SEMA3A: variants seen among roughly 807,000 people sequenced by gnomAD.
SEMA3A encodes the protein semaphorin 3A.
In SEMA3A, 29 loss-of-function variants were observed where a neutral mutation model predicts 97.9. That is an observed-to-expected ratio of 0.30 (90% CI 0.22 to 0.40). The LOEUF (loss-of-function observed/expected upper bound fraction) is 0.40. SEMA3A is among the 10% of genes least tolerant of loss of function. The probability of loss-of-function intolerance (pLI) is 1.00; values close to 1 mark genes in which losing one functional copy is unlikely to be tolerated. For synonymous variants in SEMA3A, 321 were observed against 323.7 expected (o/e 0.99, Z 0.09); for missense variants, 763 against 951.3 (o/e 0.80, Z 2.60).
chr7:84,268,802 A>G (rs1309886735), intron 3 of SEMA3A, among the ~76,000 whole-genome samples: 1 of 152,106 alleles, frequency 6.6e-6, no homozygotes. Context: ...CAAATATCAA[A>G]TTACTTGAAA....
In SEMA3A at chr7:84,062,709, G is replaced by C. The variant is rs138692714; in HGVS notation, c.454-2151C>G. Reference sequence around the variant, plus strand: ...TCCCACCCGAATACTGCGCTTTTCCGGCGGGCTTAAAAAACGGCGCATCAC... The same window carrying C: ...TCCCACCCGAATACTGCGCTTTTCCCGCGGGCTTAAAAAACGGCGCATCAC... On this transcript the variant is annotated intron_variant, in intron 4 of 16. Coordinates refer to ENST00000265362, the MANE Select transcript of SEMA3A (RefSeq NM_006080.3). 4.9e-3 allele frequency among the ~76,000 whole-genome samples: 748 copies of C among 152,282 alleles called. 6 individuals carry two copies. Among genetic ancestry groups the C allele is most frequent in the African/African-American group, 0.017 (697 of 41,550 alleles).
chr7:84,191,106 C>G (rs1557936), intron 1 of SEMA3A, among the ~76,000 whole-genome samples: 1 of 150,490 alleles, frequency 6.6e-6, no homozygotes, highest in African/African-American at 2.4e-5. Flanking sequence ...AGGTAAAGAA[C>G]TTTTGCAAAT....
intron 14 of SEMA3A, 42 bp downstream of exon 14, chr7:83,981,279 A>G (rs564500996): frequency 1.2e-6 from 2 of 1,600,534 alleles, no homozygotes; most frequent in Non-Finnish European, 1.7e-6. Context: ...ATCAGATAGG[A>G]TAACTAGCAA....
chr7:83,963,432 A>G, intron 15 of SEMA3A, 85 bp from the exon 16 acceptor site: 1 of 1,424,426 alleles, frequency 7.0e-7, no homozygotes, highest in Non-Finnish European at 9.6e-7. Flanking sequence ...AATTCAGGAG[A>G]CAAGTTATTG....
chr7:84,397,110 T>G (rs574782164), intron 1 of SEMA3A, among the ~76,000 whole-genome samples: 1 of 151,970 alleles, frequency 6.6e-6, no homozygotes, highest in Admixed American at 6.6e-5. Flanking sequence ...GTGAAAGGCA[T>G]ACAAAATCAC....
intron 1 of SEMA3A, among the ~76,000 whole-genome samples, chr7:84,172,773 T>C (rs1797431559): frequency 6.6e-6 from 1 of 152,248 alleles, no homozygotes; most frequent in Non-Finnish European, 1.5e-5. Context: ...GCTTGCATGC[T>C]GTCTGAAAAC....
intron 5 of SEMA3A, among the ~76,000 whole-genome samples, chr7:84,051,600 G>A (rs1269910795): frequency 6.6e-6 from 1 of 152,160 alleles, no homozygotes; most frequent in Non-Finnish European, 1.5e-5. Context: ...TCAGCTTAAG[G>A]AGATTTTGGG....
At chr7:83,962,073 T>C (rs549198024) in intron 16 of SEMA3A, among the ~76,000 whole-genome samples, 2 of 152,084 alleles carry the variant, frequency 1.3e-5, no homozygotes, top group African/African-American at 4.8e-5. Flanking sequence ...CTTATAATAA[T>C]TTAAAATATT....
At chr7:84,185,627 G>A (rs1021550966) in intron 1 of SEMA3A, among the ~76,000 whole-genome samples, 1 of 149,950 alleles carries the variant, frequency 6.7e-6, no homozygotes, top group Non-Finnish European at 1.5e-5. Flanking sequence ...GGAGGTGGAG[G>A]TTACAGTGAG....
Position 83,960,824 on chromosome 7 carries a change from G to GTTTTTTTTTTT in SEMA3A, c.*536_*546dup, listed in dbSNP as rs35685378. The stretch of plus-strand genomic sequence containing the variant: ...TTCTTCTGGATGATGGATGGCTTAT[G>GTTTTTTTTTTT]TTTTTTTTTTTTTTTAATATTTCCA... On this transcript the variant is annotated 3_prime_UTR_variant, in exon 17 of 17. Coordinates refer to ENST00000265362, the MANE Select transcript of SEMA3A (RefSeq NM_006080.3). The GTTTTTTTTTTT allele has an allele frequency of 7.0e-6, 1 of 143,184 alleles. No individual in the cohort carries two copies. Among genetic ancestry groups the GTTTTTTTTTTT allele is most frequent in the Non-Finnish European group, 1.5e-5 (1 of 65,840 alleles). 8.9% of individuals were successfully genotyped at this position (143,184 alleles called of 1,614,324 possible). A position where few individuals can be genotyped will look rare whatever the true frequency, so the allele number is the denominator to read the frequency against.
chr7:83,988,458 C>A (rs10260980), intron 12 of SEMA3A, among the ~76,000 whole-genome samples: 1 of 151,640 alleles, frequency 6.6e-6, no homozygotes, highest in Non-Finnish European at 1.5e-5. Flanking sequence ...CTCGATCTCC[C>A]GACCTCGTGA....
At chr7:84,304,099 C>T (rs917477159) in intron 3 of SEMA3A, among the ~76,000 whole-genome samples, 11 of 152,016 alleles carry the variant, frequency 7.2e-5, no homozygotes, top group African/African-American at 1.7e-4. Context: ...TGTGTGGAGG[C>T]AGGCATAAGG....
chr7:83,967,607 T>A (rs1788750171), intron 15 of SEMA3A, among the ~76,000 whole-genome samples: 1 of 151,738 alleles, frequency 6.6e-6, no homozygotes, highest in Admixed American at 6.6e-5. Context: ...TACAAAAAAT[T>A]AGTGGGGCAT....
At chr7:84,020,426 C>G (rs954425798) in intron 6 of SEMA3A, among the ~76,000 whole-genome samples, 1 of 150,522 alleles carries the variant, frequency 6.6e-6, no homozygotes, top group African/African-American at 2.4e-5. Flanking sequence ...GTCAACTTTC[C>G]TATTTTTTTT....
At chr7:84,208,313 G>A (rs962187046) in intron 3 of SEMA3A, among the ~76,000 whole-genome samples, 1 of 151,728 alleles carries the variant, frequency 6.6e-6, no homozygotes, top group Non-Finnish European at 1.5e-5. Flanking sequence ...TTAGCTGGGT[G>A]TGGTGGCGGG....
chr7:84,322,177 T>C (rs1056612365), intron 2 of SEMA3A, among the ~76,000 whole-genome samples: 2 of 151,786 alleles, frequency 1.3e-5, no homozygotes, highest in Non-Finnish European at 2.9e-5. Context: ...CCCACCAGGT[T>C]CTGCCCTTGA....
chr7:84,070,550 A>C (rs924101693), intron 4 of SEMA3A, among the ~76,000 whole-genome samples: 1 of 152,176 alleles, frequency 6.6e-6, no homozygotes, highest in Non-Finnish European at 1.5e-5. Flanking sequence ...AAACCTTTAT[A>C]TATGTGATAG....
chr7:84,140,326 C>T (rs1796260313), intron 1 of SEMA3A, among the ~76,000 whole-genome samples: 2 of 152,106 alleles, frequency 1.3e-5, no homozygotes, highest in East Asian at 1.9e-4. Context: ...TTCTGGTTTG[C>T]AAGAGTGCCC....
chr7:84,203,528 T>TATA (rs1798412012), intron 3 of SEMA3A, among the ~76,000 whole-genome samples: 5 of 37,990 alleles, frequency 1.3e-4, no homozygotes, highest in East Asian at 1.1e-3. Flanking sequence ...ATATATATAT[T>TATA]TTTTTTTTTT....
Sources: allele counts gnomAD v4.1 joint callset (sites outside exome capture counted in the v4.1 genomes callset), GRCh38; gene constraint gnomAD v4.1.1; transcripts MANE v1.5; gene names NCBI Gene and HGNC (gene_info 2026-07-23, HGNC 2026-07-21).